The following FNDC3B variants were observed in gnomAD, a reference collection of about 807,000 sequenced individuals.
The protein encoded by FNDC3B is fibronectin type III domain containing 3B.
In FNDC3B, 12 loss-of-function variants were observed where a neutral mutation model predicts 151.5. That is an observed-to-expected ratio of 0.08 (90% CI 0.05 to 0.13). FNDC3B has a LOEUF of 0.13. Among genes scored for constraint, FNDC3B ranks in the 10% least tolerant of loss-of-function variants. The pLI, the probability that FNDC3B is intolerant of heterozygous loss-of-function variation, is 1.00. For synonymous variants in FNDC3B, 528 were observed against 549.0 expected (o/e 0.96, Z 0.54); for missense variants, 1,214 against 1,505.3 (o/e 0.81, Z 3.20).
intron 25 of FNDC3B, among the ~76,000 whole-genome samples, chr3:172,391,547 A>T (rs532396137): frequency 6.6e-6 from 1 of 152,326 alleles, no homozygotes; most frequent in African/African-American, 2.4e-5. Context: ...ACAGAGAAAA[A>T]GAACTCTTAA....
At chr3:172,367,943 C>G (rs1734709779) in intron 23 of FNDC3B, among the ~76,000 whole-genome samples, 1 of 152,098 alleles carries the variant, frequency 6.6e-6, no homozygotes, top group Non-Finnish European at 1.5e-5. Flanking sequence ...TTCCTTTTGG[C>G]CAGCAAAATT....
At chr3:172,181,404 A>C (rs1245284201) in intron 3 of FNDC3B, among the ~76,000 whole-genome samples, 35 of 145,924 alleles carry the variant, frequency 2.4e-4, no homozygotes, top group Non-Finnish European at 4.9e-4. Context: ...CCAAAAAAAA[A>C]AAAAAAAAAA....
At chr3:172,262,672 G>A (rs1728707627) in intron 6 of FNDC3B, among the ~76,000 whole-genome samples, 1 of 151,678 alleles carries the variant, frequency 6.6e-6, no homozygotes, top group Non-Finnish European at 1.5e-5. Context: ...TGAGGCCAAG[G>A]CGAGAGGATT....
chr3:172,303,911 C>T (rs1239364027), intron 9 of FNDC3B, among the ~76,000 whole-genome samples: 1 of 152,122 alleles, frequency 6.6e-6, no homozygotes, highest in East Asian at 1.9e-4. Context: ...AATTTTTGTA[C>T]TATATGCAGC....
intron 1 of FNDC3B, among the ~76,000 whole-genome samples, chr3:172,054,208 C>T (rs78926448): frequency 0.015 from 2,283 of 152,176 alleles, 63 homozygotes; most frequent in African/African-American, 0.052. Context: ...AGGTTGTACC[C>T]AAGGCAGCCA....
chr3:172,332,983 G>C (rs899427215), intron 13 of FNDC3B, 106 bp from the exon 14 acceptor site: 2 of 789,206 alleles, frequency 2.5e-6, no homozygotes, highest in African/African-American at 3.4e-5. Flanking sequence ...CCTCTGGCCA[G>C]TTGCTGGTGA....
At chr3:172,137,051 T>C (rs1250036154) in intron 3 of FNDC3B, among the ~76,000 whole-genome samples, 6 of 152,186 alleles carry the variant, frequency 3.9e-5, no homozygotes, top group African/African-American at 1.4e-4. Context: ...GTGGCCTTCC[T>C]GGAAATTTTG....
chr3:172,335,107 G>GTTTTTTTTT, intron 15 of FNDC3B, 25 bp downstream of exon 15: 3 of 1,317,802 alleles, frequency 2.3e-6, no homozygotes, highest in South Asian at 1.8e-5. Context: ...TGCTGCTACT[G>GTTTTTTTTT]TTTTTTTTTT....
intron 3 of FNDC3B, among the ~76,000 whole-genome samples, chr3:172,195,293 C>T (rs1212444660): frequency 2.6e-5 from 4 of 152,000 alleles, no homozygotes; most frequent in Non-Finnish European, 5.9e-5. Flanking sequence ...ACTGAGATCC[C>T]GAGGGAGAAC....
intron 10 of FNDC3B, 96 bp from the exon 11 acceptor site, chr3:172,310,732 A>G: frequency 2.2e-6 from 2 of 889,036 alleles, no homozygotes; most frequent in Non-Finnish European, 3.8e-6. Flanking sequence ...GGGAGAGCAC[A>G]GGACTATCAT....
chr3:172,364,686 G>A (rs1041268022), intron 23 of FNDC3B, among the ~76,000 whole-genome samples: 2 of 152,326 alleles, frequency 1.3e-5, no homozygotes, highest in East Asian at 1.9e-4. Flanking sequence ...TCCAAATGAG[G>A]TTCCTGGCAT....
At chr3:172,345,063 A>T (rs1733535165) in intron 19 of FNDC3B, among the ~76,000 whole-genome samples, 1 of 152,240 alleles carries the variant, frequency 6.6e-6, no homozygotes, top group Non-Finnish European at 1.5e-5. Flanking sequence ...TTAAAAAAAT[A>T]AGACAGCCCA....
At chr3:172,068,071 G>A (rs929472740) in intron 1 of FNDC3B, among the ~76,000 whole-genome samples, 2 of 152,132 alleles carry the variant, frequency 1.3e-5, no homozygotes, top group African/African-American at 2.4e-5. Flanking sequence ...AACTCTTCAG[G>A]CTCATCCTGG....
At chr3:172,093,771 A>T (rs948034560) in intron 1 of FNDC3B, among the ~76,000 whole-genome samples, 1 of 152,156 alleles carries the variant, frequency 6.6e-6, no homozygotes, top group Non-Finnish European at 1.5e-5. Flanking sequence ...GTACTAAGGA[A>T]TCTTCTGGAG....
intron 19 of FNDC3B, 26 bp from the exon 20 acceptor site, chr3:172,346,301 G>T (rs583550): frequency 1.5e-6 from 2 of 1,327,934 alleles, no homozygotes; most frequent in African/African-American, 2.9e-5. Flanking sequence ...ATATACATAC[G>T]TGTGTGTGCG....
At chr3:172,075,411 G>A (rs1717957801) in intron 1 of FNDC3B, among the ~76,000 whole-genome samples, 1 of 152,020 alleles carries the variant, frequency 6.6e-6, no homozygotes, top group Non-Finnish European at 1.5e-5. Flanking sequence ...TGAAAAAGTT[G>A]GACCAAGTGG....
At chr3:172,093,359 C>T (rs528883621) in intron 1 of FNDC3B, among the ~76,000 whole-genome samples, 44 of 151,546 alleles carry the variant, frequency 2.9e-4, no homozygotes, top group East Asian at 2.5e-3. Context: ...CCCGGGTTCA[C>T]GCCATTCTCC....
chr3:172,344,174 T>C lies in FNDC3B; in HGVS notation c.2166T>C (p.His722=). ...EPEDVASEVY[H]GPELECTVGN... ...AAGACGTAGCCTCGGAAGTGTACCA[T>C]GGCCCAGAGCTGGAGTGCACCGTCG... Residue 722 remains histidine, a synonymous_variant, in exon 19 of 26, where the codon CAT becomes CAC. Transcript: ENST00000415807. 2.5e-6 allele frequency: 4 copies of C among 1,614,172 alleles called. No homozygotes were observed. Among genetic ancestry groups the C allele is most frequent in the Non-Finnish European group, 3.4e-6 (4 of 1,180,004 alleles).
intron 3 of FNDC3B, among the ~76,000 whole-genome samples, chr3:172,213,161 A>G (rs1725814741): frequency 6.6e-6 from 1 of 152,114 alleles, no homozygotes; most frequent in Non-Finnish European, 1.5e-5. Flanking sequence ...TCTGTTCTCC[A>G]CTTGATTTTA....
Sources: allele counts gnomAD v4.1 joint callset (sites outside exome capture counted in the v4.1 genomes callset), GRCh38; gene constraint gnomAD v4.1.1; transcripts MANE v1.5; gene names NCBI Gene and HGNC (gene_info 2026-07-23, HGNC 2026-07-21).